The following PPP1R13B variants were observed in gnomAD, a reference collection of about 807,000 sequenced individuals.
The protein encoded by PPP1R13B is apoptosis-stimulating of p53 protein 1.
Under a neutral mutation model 119.8 loss-of-function variants are expected in PPP1R13B, and 44 were observed. The ratio of observed to expected loss-of-function variants is 0.37; its 90% CI spans 0.29 to 0.47. PPP1R13B has a LOEUF of 0.47. Among genes scored for constraint, PPP1R13B ranks in the 20% least tolerant of loss-of-function variants. The pLI is 0.99. For synonymous variants in PPP1R13B, 542 were observed against 561.5 expected (o/e 0.97, Z 0.49); for missense variants, 1,227 against 1,413.5 (o/e 0.87, Z 2.12).
chr14:103,848,510 G>C (rs1173932340), upstream of PPP1R13B: 1 of 984,804 alleles, frequency 1.0e-6, no homozygotes, highest in East Asian at 1.1e-4. Flanking sequence ...GACCGCGGCG[G>C]AGAGCAGACA....
rs191238132 is a variant in PPP1R13B, at chr14:103,801,262, C to A, written c.10-3744G>T. ...CAAAACACCTTCGCTGGTATATAAGCAGGAGATAGGTTTCTTAACTGAGCA... is the reference window on the plus strand; with the variant it reads ...CAAAACACCTTCGCTGGTATATAAGAAGGAGATAGGTTTCTTAACTGAGCA... On this transcript the variant is annotated intron_variant, in intron 1 of 16. Transcript: ENST00000202556. Among the ~76,000 whole-genome samples the A allele has an allele frequency of 4.6e-5, 7 of 152,254 alleles. No homozygotes were observed. The East Asian group carries it at 1.4e-3, about 29-fold the overall frequency.
intron 12 of PPP1R13B, 124 bp downstream of exon 12, chr14:103,739,700 G>GT: frequency 1.7e-6 from 2 of 1,205,128 alleles, no homozygotes; most frequent in Non-Finnish European, 2.2e-6. Context: ...CCTACAAGAC[G>GT]TAACTCAGGG....
intron 1 of PPP1R13B, among the ~76,000 whole-genome samples, chr14:103,808,963 G>A (rs1041905429): frequency 6.6e-6 from 1 of 151,948 alleles, no homozygotes; most frequent in Non-Finnish European, 1.5e-5. Context: ...CGAACTCCTA[G>A]GCTCAAGTGA....
chr14:103,820,380 C>T (rs1206731233), intron 1 of PPP1R13B, among the ~76,000 whole-genome samples: 2 of 152,162 alleles, frequency 1.3e-5, no homozygotes, highest in Admixed American at 1.3e-4. Flanking sequence ...AAATCATTTT[C>T]TCTCTCTTCT....
rs770346248 is a variant in PPP1R13B, at chr14:103,742,621, C to T, written c.1320+33G>A. 2.2e-5 allele frequency: 36 copies of T among 1,604,234 alleles called. No individual in the cohort carries two copies. Among genetic ancestry groups the T allele is most frequent in the African/African-American group, 5.4e-5 (4 of 74,668 alleles). ...CAGAAGAGAGCCCTGTTGAAGAGCC[C>T]GCTTGTGTTCTGTGGTAAAGACACA... is the stretch of plus-strand genomic sequence containing the variant. On this transcript the variant is annotated intron_variant, in intron 10 of 16. Transcript: ENST00000202556. This position sits in a 1 kb window ranked among gnomAD's most constrained non-coding sequence, Gnocchi z 4.9.
intron 1 of PPP1R13B, among the ~76,000 whole-genome samples, chr14:103,822,066 C>G (rs2086422869): frequency 6.6e-6 from 1 of 152,088 alleles, no homozygotes. Flanking sequence ...AAACCCAATA[C>G]AAATCATGCC....
intron 1 of PPP1R13B, among the ~76,000 whole-genome samples, chr14:103,836,638 C>T (rs543773357): frequency 1.5e-3 from 224 of 152,000 alleles, no homozygotes; most frequent in Non-Finnish European, 2.8e-3. Flanking sequence ...GGCGTGGTGG[C>T]ACGCACCTGT....
chr14:103,756,939 T>C (rs2084691890), intron 5 of PPP1R13B, among the ~76,000 whole-genome samples: 1 of 152,028 alleles, frequency 6.6e-6, no homozygotes, highest in Non-Finnish European at 1.5e-5. Context: ...TTTTTAAATA[T>C]TTTTAGTAGA....
chr14:103,810,841 C>T (rs956613859), intron 1 of PPP1R13B, among the ~76,000 whole-genome samples: 1 of 150,890 alleles, frequency 6.6e-6, no homozygotes, highest in Non-Finnish European at 1.5e-5. Context: ...GTAATCCCAG[C>T]ACTTTGGGAA....
intron 1 of PPP1R13B, among the ~76,000 whole-genome samples, chr14:103,817,209 G>C (rs1161508643): frequency 6.6e-6 from 1 of 152,188 alleles, no homozygotes; most frequent in Non-Finnish European, 1.5e-5. Context: ...CATGAGCCAT[G>C]ATAAGATGTC....
At chr14:103,806,085 T>C (rs2086011018) in intron 1 of PPP1R13B, among the ~76,000 whole-genome samples, 1 of 152,262 alleles carries the variant, frequency 6.6e-6, no homozygotes, top group South Asian at 2.1e-4. Flanking sequence ...AGAAAAGGAA[T>C]TCAGAAACTT....
In PPP1R13B at chr14:103,847,337, G is replaced by A. The variant is rs1410972776; in HGVS notation, c.-30C>T. Reference sequence around the variant, plus strand: ...GGGAGAGTCCGCGACGCCCTCGGCCGCCGCCTGACAGGACGCTCCGCGCCG... The same window carrying A: ...GGGAGAGTCCGCGACGCCCTCGGCCACCGCCTGACAGGACGCTCCGCGCCG... On this transcript the variant is annotated 5_prime_UTR_variant, in exon 1 of 17. Coordinates refer to ENST00000202556, the MANE Select transcript of PPP1R13B (RefSeq NM_015316.3). The A allele has an allele frequency of 9.4e-6, 11 of 1,166,992 alleles. No individual in the cohort carries two copies. Among genetic ancestry groups the A allele is most frequent in the African/African-American group, 3.3e-5 (2 of 59,926 alleles). The allele number at this position is 1,166,992 out of a possible 1,614,324, so 72.3% of individuals were successfully genotyped here.
At chr14:103,827,741 C>T (rs2086581627) in intron 1 of PPP1R13B, among the ~76,000 whole-genome samples, 1 of 151,460 alleles carries the variant, frequency 6.6e-6, no homozygotes, top group Non-Finnish European at 1.5e-5. Flanking sequence ...AATTGGTTGT[C>T]ACCTAACAAA....
chr14:103,764,880 C>T (rs1028140043), intron 4 of PPP1R13B, among the ~76,000 whole-genome samples: 2 of 151,936 alleles, frequency 1.3e-5, no homozygotes, highest in Non-Finnish European at 2.9e-5. Flanking sequence ...ACTGCAGTGG[C>T]GGATCTCGGC....
At chr14:103,787,969 C>T (rs924360021) in intron 2 of PPP1R13B, among the ~76,000 whole-genome samples, 1 of 151,480 alleles carries the variant, frequency 6.6e-6, no homozygotes. Flanking sequence ...TTTAATTAGC[C>T]GGGTGTGGTG....
chr14:103,802,464 CA>C (rs2085923068), intron 1 of PPP1R13B, among the ~76,000 whole-genome samples: 1 of 152,216 alleles, frequency 6.6e-6, no homozygotes, highest in South Asian at 2.1e-4. Flanking sequence ...TGCCCTGTTT[CA>C]CTCAGTACTT....
At position 103,742,961 on chromosome 14, in the gene PPP1R13B, C is replaced by T; in HGVS notation, c.1151-138G>A. On this transcript the variant is annotated intron_variant, in intron 9 of 16. Transcript: ENST00000202556. The surrounding 1 kb of genome is among the most constrained non-coding windows in gnomAD (Gnocchi z 4.9). ...GATCCATTAACCGAGTGGTCAACCA[C>T]CAGCCACATGCACAACTGCTGATCT... 1 of 936,054 alleles carries T rather than the reference C, an allele frequency of 1.1e-6. No individual in the cohort carries two copies. Among genetic ancestry groups the T allele is most frequent in the Non-Finnish European group, 1.6e-6 (1 of 621,764 alleles). 58.0% of individuals were successfully genotyped at this position (936,054 alleles called of 1,614,324 possible).
At position 103,754,264 on chromosome 14, in the gene PPP1R13B, TG is replaced by T. The variant is rs1224409369; in HGVS notation, c.457-21del. 2.5e-6 allele frequency: 4 copies of T among 1,596,550 alleles called. No individual in the cohort carries two copies. In the Admixed American group the frequency reaches 7.1e-5, roughly 28 times the overall value. Reference sequence around the variant, plus strand: ...CTGTTCCTAACAAAAGAAAGAAAAATGTAACTTTGAAAATTGAAGGCTGGGC... The same window carrying T: ...CTGTTCCTAACAAAAGAAAGAAAAATTAACTTTGAAAATTGAAGGCTGGGC... On this transcript the variant is annotated intron_variant, in intron 5 of 16. Coordinates refer to ENST00000202556, the MANE Select transcript of PPP1R13B (RefSeq NM_015316.3).
chr14:103,797,446 A>C lies in PPP1R13B; in HGVS notation c.82T>G (p.Cys28Gly). The C allele has an allele frequency of 6.2e-7, 1 of 1,613,992 alleles. No individual in the cohort carries two copies. Among genetic ancestry groups the C allele is most frequent in the Non-Finnish European group, 8.5e-7 (1 of 1,179,912 alleles). Residue 28 changes from cysteine to glycine, a missense_variant, in exon 2 of 17, where the codon TGT becomes GGT. Transcript: ENST00000202556. The stretch of plus-strand genomic sequence containing the variant: ...TTGCAAAATTCTACAACATCTCGAC[A>C]GGTTGTTTCCGGTGTTATAGGAACT... ...TEVPITPETT[C>G]RDVVEFCKEP...
Sources: allele counts gnomAD v4.1 joint callset (sites outside exome capture counted in the v4.1 genomes callset), GRCh38; gene constraint gnomAD v4.1.1; non-coding constraint Gnocchi (gnomAD v3.1); transcripts MANE v1.5; gene names NCBI Gene and HGNC (gene_info 2026-07-23, HGNC 2026-07-21).